The following DNAJC15 variants were observed in gnomAD, a reference collection of about 807,000 sequenced individuals.
The protein encoded by DNAJC15 is dnaJ homolog subfamily C member 15.
DNAJC15 carries 27 observed loss-of-function variants against 22.4 expected under a neutral mutation model. The observed-to-expected ratio is 1.20, with a 90% CI of 0.89 to 1.66. DNAJC15 has a LOEUF of 1.66. Ranked by LOEUF, DNAJC15 falls within the 40% of genes most tolerant of loss-of-function variation. The probability of loss-of-function intolerance (pLI) is 0.00; values close to 1 mark genes in which losing one functional copy is unlikely to be tolerated. For missense variants in DNAJC15, 208 were observed against 187.1 expected (o/e 1.11, Z -0.65); for synonymous variants, 79 against 63.2 (o/e 1.25, Z -1.19).
chr13:43,055,138 A>T (rs1259432472), intron 1 of DNAJC15, among the ~76,000 whole-genome samples: 1 of 151,942 alleles, frequency 6.6e-6, no homozygotes, highest in Admixed American at 6.6e-5. Context: ...AGCTGCAAGA[A>T]GATGTCTGGG....
intron 1 of DNAJC15, among the ~76,000 whole-genome samples, chr13:43,030,617 C>A (rs140996117): frequency 6.6e-6 from 1 of 152,068 alleles, no homozygotes; most frequent in Non-Finnish European, 1.5e-5. Context: ...TTTATGGAGT[C>A]GTACATTATT....
chr13:43,060,419 G>A (rs1243210495), intron 1 of DNAJC15, among the ~76,000 whole-genome samples: 1 of 152,116 alleles, frequency 6.6e-6, no homozygotes, highest in East Asian at 1.9e-4. Flanking sequence ...AGGAAAATAG[G>A]TATTAAAGGA....
At chr13:43,024,591 G>A (rs916351036) in intron 1 of DNAJC15, among the ~76,000 whole-genome samples, 2 of 151,842 alleles carry the variant, frequency 1.3e-5, no homozygotes, top group South Asian at 2.1e-4. Flanking sequence ...TGATCCGCCC[G>A]CCTCGGCCTC....
In DNAJC15 at chr13:43,023,667, T is replaced by G. The variant is rs2040363154; in HGVS notation, c.41T>G (p.Leu14Trp). The part of the protein sequence containing the change: ...RGVIAPVGES[L>W]RYAEYLQPSA... ...GTCATCGCTCCAGTTGGCGAGAGTT[T>G]GCGCTACGCTGAGTACTTGCAGCCC... The change falls in exon 1 of 6, where the codon TTG becomes TGG. Residue 14 changes from leucine (L) to tryptophan (W), a missense_variant. Leu to Trp is a moderately conservative substitution (Grantham distance 61, BLOSUM62 -2). Coordinates refer to ENST00000379221, the MANE Select transcript of DNAJC15 (RefSeq NM_013238.3). 2 of 1,612,806 alleles carry G rather than the reference T, an allele frequency of 1.2e-6. No individual in the cohort carries two copies. Among genetic ancestry groups the G allele is most frequent in the Non-Finnish European group, 1.7e-6 (2 of 1,179,520 alleles).
chr13:43,030,851 A>G (rs1017564386), intron 1 of DNAJC15, among the ~76,000 whole-genome samples: 2 of 152,338 alleles, frequency 1.3e-5, no homozygotes, highest in South Asian at 2.1e-4. Context: ...GGGTAAGGGA[A>G]TGAAAGACTA....
chr13:43,059,341 T>C (rs560011691), intron 1 of DNAJC15, among the ~76,000 whole-genome samples: 100 of 152,286 alleles, frequency 6.6e-4, no homozygotes, highest in Middle Eastern at 6.8e-3. Flanking sequence ...GAATGAGATA[T>C]CCTTCAGTGA....
At chr13:43,089,022 C>G (rs374069237) in intron 5 of DNAJC15, among the ~76,000 whole-genome samples, 2 of 151,988 alleles carry the variant, frequency 1.3e-5, no homozygotes, top group African/African-American at 2.4e-5. Context: ...AAGTGAAGAA[C>G]GTGGCTTACT....
At chr13:43,071,247 A>G (rs2040607226) in intron 3 of DNAJC15, among the ~76,000 whole-genome samples, 1 of 152,210 alleles carries the variant, frequency 6.6e-6, no homozygotes, top group African/African-American at 2.4e-5. Context: ...TAAACTCTTT[A>G]TTCAGTGGCT....
At position 43,108,080 on chromosome 13, in the gene DNAJC15, GATAAATCAC is replaced by G. The variant is rs750969992; in HGVS notation, c.*834_*842del. On this transcript the variant is annotated 3_prime_UTR_variant, in exon 6 of 6. Coordinates refer to ENST00000379221, the MANE Select transcript of DNAJC15 (RefSeq NM_013238.3). ...CAAAGGAACTTATATGTAGAGGAAG[GATAAATCAC>G]AAATAGTGAATACTGTTAGATACAG... 2 of 152,536 alleles carry G rather than the reference GATAAATCAC, an allele frequency of 1.3e-5. No homozygotes were observed. Among genetic ancestry groups the G allele is most frequent in the Non-Finnish European group, 2.9e-5 (2 of 68,006 alleles). The allele number at this position is 152,536 out of a possible 1,614,324, so 9.4% of individuals were successfully genotyped here.
intron 1 of DNAJC15, among the ~76,000 whole-genome samples, chr13:43,039,822 CAG>C (rs556965985): frequency 7.0e-4 from 106 of 152,268 alleles, no homozygotes; most frequent in African/African-American, 2.1e-3. Flanking sequence ...TCAAAATGAC[CAG>C]CCTGGCCAAT....
intron 2 of DNAJC15, among the ~76,000 whole-genome samples, chr13:43,067,573 C>G (rs919627014): frequency 3.3e-5 from 5 of 152,106 alleles, no homozygotes; most frequent in African/African-American, 1.2e-4. Context: ...TGTGTGTATT[C>G]TTTATAGACC....
rs899319862 is a variant in DNAJC15 at position 43,113,079 on chromosome 13, G to C, written c.*5831G>C. 1 of 152,190 alleles carries C rather than the reference G, an allele frequency of 6.6e-6. No individual in the cohort carries two copies. The highest frequency in any genetic ancestry group is 1.5e-5 in the Non-Finnish European group (1 of 68,036). 9.4% of individuals were successfully genotyped at this position (152,190 alleles called of 1,614,324 possible). On this transcript the variant is annotated 3_prime_UTR_variant, in exon 6 of 6. Transcript: ENST00000379221. Reference sequence around the variant, plus strand: ...TCAGAGTGATGACGGAGGAAGCTTTGATAAGATTTTATCTGAAATGTTCAT... The same window carrying C: ...TCAGAGTGATGACGGAGGAAGCTTTCATAAGATTTTATCTGAAATGTTCAT...
intron 1 of DNAJC15, among the ~76,000 whole-genome samples, chr13:43,028,618 A>C (rs2040391235): frequency 6.6e-6 from 1 of 152,214 alleles, no homozygotes; most frequent in Admixed American, 6.5e-5. Context: ...ACTGATCCTT[A>C]AATGACATAT....
intron 5 of DNAJC15, 101 bp downstream of exon 5, chr13:43,085,939 G>A (rs1411936553): frequency 6.7e-6 from 7 of 1,049,690 alleles, no homozygotes; most frequent in African/African-American, 1.6e-5. Context: ...ATGGAAGTTT[G>A]TGCGCCACAT....
intron 1 of DNAJC15, among the ~76,000 whole-genome samples, chr13:43,032,315 C>T (rs1045277523): frequency 6.6e-6 from 1 of 152,168 alleles, no homozygotes; most frequent in Non-Finnish European, 1.5e-5. Flanking sequence ...TATGGGCCTG[C>T]GACCAACACA....
rs537657055 is a variant in DNAJC15 at position 43,038,468 on chromosome 13, A to G, written c.108+14734A>G. ...AGTTTCATACTTATCAAACGATTCCATTTTTGTATTAAACATAGGAGTATT... is the reference window on the plus strand; with the variant it reads ...AGTTTCATACTTATCAAACGATTCCGTTTTTGTATTAAACATAGGAGTATT... On this transcript the variant is annotated intron_variant, in intron 1 of 5. Coordinates refer to ENST00000379221, the MANE Select transcript of DNAJC15 (RefSeq NM_013238.3). Among the ~76,000 whole-genome samples the G allele has an allele frequency of 3.9e-5, 6 of 152,306 alleles. No individual in the cohort carries two copies. The South Asian group carries it at 1.2e-3, about 32-fold the overall frequency.
At chr13:43,078,860 T>TA (rs2040648302) in intron 4 of DNAJC15, 172 bp downstream of exon 4, 8 of 463,454 alleles carry the variant, frequency 1.7e-5, no homozygotes, top group Admixed American at 4.0e-5. Context: ...CCCACTCCCC[T>TA]AAAAAAACAA....
chr13:43,072,922 C>G (rs911746829), intron 3 of DNAJC15, among the ~76,000 whole-genome samples: 3 of 152,140 alleles, frequency 2.0e-5, no homozygotes, highest in Non-Finnish European at 4.4e-5. Flanking sequence ...TCTGGCAACC[C>G]ATTTTTTAAT....
At chr13:43,105,713 C>G (rs1566219262) in intron 5 of DNAJC15, among the ~76,000 whole-genome samples, 1 of 152,108 alleles carries the variant, frequency 6.6e-6, no homozygotes, top group Non-Finnish European at 1.5e-5. Flanking sequence ...TGTTTAAGTT[C>G]AGTTAATATT....
Sources: gnomAD v4.1 joint callset for allele counts (sites outside exome capture counted in the v4.1 genomes callset) on GRCh38, gnomAD v4.1.1 for gene constraint, MANE v1.5 for transcripts, NCBI Gene and HGNC (gene_info 2026-07-23, HGNC 2026-07-21) for gene names.